KANK1: variants seen among roughly 807,000 people sequenced by gnomAD.
KANK1 encodes the protein KN motif and ankyrin repeat domains 1, also known as KN motif and ankyrin repeat domain-containing protein 1.
KANK1 carries 109 observed loss-of-function variants against 106.2 expected under a neutral mutation model. The ratio of observed to expected loss-of-function variants is 1.03; its 90% CI spans 0.88 to 1.20. The LOEUF (loss-of-function observed/expected upper bound fraction) is 1.20. Among genes scored for constraint, KANK1 ranks in the 50% most tolerant of loss-of-function variants. KANK1 has a pLI of 0.00. For missense variants in KANK1, 2,399 were observed against 1,710.7 expected (o/e 1.40, Z -7.10); for synonymous variants, 873 against 652.2 (o/e 1.34, Z -5.16).
At chr9:616,600 T>TA (rs1441064616) in intron 1 of KANK1, among the ~76,000 whole-genome samples, 6 of 152,214 alleles carry the variant, frequency 3.9e-5, no homozygotes, top group African/African-American at 1.4e-4. Flanking sequence ...AGGCTTGGCT[T>TA]TACTAAGTGT....
In KANK1 at chr9:684,127, C is replaced by G. The variant is rs920275000; in HGVS notation, c.37+7118C>G. The G allele has an allele frequency of 4.1e-6, 4 of 979,460 alleles. No individual in the cohort carries two copies. The African/African-American group carries it at 5.3e-5, about 13-fold the overall frequency. The allele number at this position is 979,460 out of a possible 1,614,324, so 60.7% of individuals were successfully genotyped here. ...TCAGAGCTTGCTTGTTTCATAAACT[C>G]TTAAGGCTTTGTTTTAACCTGTAGC... On this transcript the variant is annotated intron_variant, in intron 2 of 11. Transcript: ENST00000382297.
Position 707,266 on chromosome 9 carries a change from G to C in KANK1, c.38-3538G>C, listed in dbSNP as rs570666964. The stretch of plus-strand genomic sequence containing the variant: ...CCACGTGGTAGGTGAGCTGCGAGCG[G>C]CGTGGGGCGGCCACCGCTGGCCGAA... On this transcript the variant is annotated intron_variant, in intron 2 of 11. Transcript: ENST00000382297. The C allele has an allele frequency of 2.1e-4, 203 of 981,146 alleles. 1 individual carries two copies. In the African/African-American group the frequency reaches 3.5e-3, roughly 17 times the overall value. 60.8% of individuals were successfully genotyped at this position (981,146 alleles called of 1,614,324 possible). A position where few individuals can be genotyped will look rare whatever the true frequency, so the allele number is the denominator to read the frequency against.
At chr9:582,853 C>G (rs1588018646) in intron 1 of KANK1, among the ~76,000 whole-genome samples, 1 of 152,220 alleles carries the variant, frequency 6.6e-6, no homozygotes, top group East Asian at 1.9e-4. Context: ...CAGATGTACA[C>G]TGTTACTATA....
intron 1 of KANK1, among the ~76,000 whole-genome samples, chr9:621,353 A>G (rs1206375163): frequency 1.3e-5 from 2 of 150,582 alleles, no homozygotes; most frequent in South Asian, 4.1e-4. Context: ...AGTGTGAGCA[A>G]AGTCTTCATA....
chr9:732,069 G>A, intron 5 of KANK1: 1 of 209,222 alleles, frequency 4.8e-6, no homozygotes, highest in South Asian at 9.7e-5. Flanking sequence ...GGGACAAAAA[G>A]CACCTACCGA....
upstream of KANK1, among the ~76,000 whole-genome samples, chr9:502,528 CTTTT>C (rs61692364): frequency 1.5e-5 from 2 of 132,260 alleles, no homozygotes; most frequent in Non-Finnish European, 3.1e-5. Flanking sequence ...ATGGAGAGCA[CTTTT>C]TTTTTTTTTT....
intron 1 of KANK1, among the ~76,000 whole-genome samples, chr9:613,037 G>A (rs970224534): frequency 6.6e-6 from 1 of 151,988 alleles, no homozygotes; most frequent in Non-Finnish European, 1.5e-5. Flanking sequence ...TTAAATGAGT[G>A]GGTGAAGATA....
intron 1 of KANK1, among the ~76,000 whole-genome samples, chr9:631,314 C>G (rs1052644339): frequency 5.3e-5 from 8 of 152,306 alleles, no homozygotes; most frequent in African/African-American, 1.4e-4. Flanking sequence ...ATTAGCACCC[C>G]AGGATTTGTG....
At chr9:514,951 T>C (rs1357140195) in intron 1 of KANK1, among the ~76,000 whole-genome samples, 1 of 151,784 alleles carries the variant, frequency 6.6e-6, no homozygotes, top group Admixed American at 6.5e-5. Context: ...TTAGCTAATC[T>C]GGTAAACGTG....
chr9:725,365 C>CTT (rs1830380205), intron 3 of KANK1, among the ~76,000 whole-genome samples: 3 of 151,938 alleles, frequency 2.0e-5, no homozygotes, highest in Non-Finnish European at 2.9e-5. Flanking sequence ...TGGTTGTGCA[C>CTT]ACCTGTAGCC....
intron 1 of KANK1, among the ~76,000 whole-genome samples, chr9:660,626 A>C (rs541669876): frequency 5.3e-5 from 8 of 152,152 alleles, no homozygotes; most frequent in Non-Finnish European, 1.2e-4. Flanking sequence ...ATCATAGACA[A>C]CTACGTCTGG....
At chr9:604,167 A>T (rs1379960000) in intron 1 of KANK1, among the ~76,000 whole-genome samples, 2 of 151,636 alleles carry the variant, frequency 1.3e-5, no homozygotes, top group East Asian at 3.8e-4. Flanking sequence ...TGTTCTGATT[A>T]TTCTGGTCCT....
At chr9:661,810 T>C (rs71488149) in intron 1 of KANK1, among the ~76,000 whole-genome samples, 127,087 of 151,606 alleles carry the variant, frequency 0.84, 53,411 homozygotes, top group East Asian at 0.97. Context: ...TTTTAATGAT[T>C]GCCATTCTAA....
At chr9:580,214 G>A (rs376602480) in intron 1 of KANK1, among the ~76,000 whole-genome samples, 6 of 151,970 alleles carry the variant, frequency 3.9e-5, no homozygotes, top group African/African-American at 1.2e-4. Flanking sequence ...CGTTCCTCCG[G>A]TCTGGAGTTG....
intron 1 of KANK1, among the ~76,000 whole-genome samples, chr9:609,648 A>C (rs1157191577): frequency 6.6e-6 from 1 of 152,110 alleles, no homozygotes; most frequent in African/African-American, 2.4e-5. Context: ...AAATAAATAA[A>C]ATAAAATAAT....
intron 1 of KANK1, among the ~76,000 whole-genome samples, chr9:584,408 T>G (rs1822939212): frequency 6.6e-6 from 1 of 152,172 alleles, no homozygotes; most frequent in Non-Finnish European, 1.5e-5. Context: ...TTTTATGAAC[T>G]TACAGTAAAG....
chr9:475,084 A>G lies in KANK1; in HGVS notation c.-362+1811A>G, dbSNP rs191116899. On this transcript the variant is annotated intron_variant, in intron 3 of 15. Coordinates refer to the KANK1 transcript ENST00000382303. ...CCAGGGAAAGGCAGTCTCCAAATAGATAGGAAAAACCTGAAAGTGACAATC... is the reference window on the plus strand; with the variant it reads ...CCAGGGAAAGGCAGTCTCCAAATAGGTAGGAAAAACCTGAAAGTGACAATC... Among the ~76,000 whole-genome samples, 70 of 152,284 alleles carry G rather than the reference A, an allele frequency of 4.6e-4. 1 individual carries two copies. The highest frequency in any genetic ancestry group is 7.4e-5 in the Non-Finnish European group (5 of 68,020).
chr9:539,003 C>A (rs751488076), intron 1 of KANK1, among the ~76,000 whole-genome samples: 1 of 152,176 alleles, frequency 6.6e-6, no homozygotes, highest in African/African-American at 2.4e-5. Context: ...GCCTCAGCCT[C>A]CCGAGTAGCT....
chr9:592,890 C>T (rs925869808), intron 1 of KANK1, among the ~76,000 whole-genome samples: 15 of 151,822 alleles, frequency 9.9e-5, no homozygotes, highest in Admixed American at 2.0e-4. Context: ...TTGTGCAAAA[C>T]GTAAATGCAG....
Sources: gnomAD v4.1 joint callset for allele counts (sites outside exome capture counted in the v4.1 genomes callset) on GRCh38, gnomAD v4.1.1 for gene constraint, MANE v1.5 for transcripts, NCBI Gene and HGNC (gene_info 2026-07-23, HGNC 2026-07-21) for gene names.